AGBL1: variants seen among roughly 807,000 people sequenced by gnomAD.
AGBL1 encodes the protein AGBL carboxypeptidase 1.
Under a neutral mutation model 118.9 loss-of-function variants are expected in AGBL1, and 130 were observed. The ratio of observed to expected loss-of-function variants is 1.09; its 90% CI spans 0.95 to 1.26. The LOEUF (loss-of-function observed/expected upper bound fraction) is 1.26, where lower values mean the gene tolerates loss of function less well. Ranked by LOEUF, AGBL1 falls within the 50% of genes most tolerant of loss-of-function variation. AGBL1 has a pLI of 0.00. For missense variants in AGBL1, 1,584 were observed against 1,298.1 expected (o/e 1.22, Z -3.38); for synonymous variants, 555 against 478.9 (o/e 1.16, Z -2.08).
At chr15:86,251,293 C>A (rs1181065692) in intron 7 of AGBL1, among the ~76,000 whole-genome samples, 2 of 152,190 alleles carry the variant, frequency 1.3e-5, no homozygotes, top group African/African-American at 4.8e-5. Flanking sequence ...ACTGTACCAG[C>A]AGCTCCCCCA....
intron 17 of AGBL1, among the ~76,000 whole-genome samples, chr15:86,308,139 A>T (rs149112281): frequency 1.4e-3 from 215 of 152,338 alleles, no homozygotes; most frequent in African/African-American, 5.0e-3. Context: ...AACTATGTTA[A>T]CATGTTTGAG....
At chr15:86,120,806 C>T (rs940391604) in intron 1 of AGBL1, among the ~76,000 whole-genome samples, 2 of 152,152 alleles carry the variant, frequency 1.3e-5, no homozygotes. Flanking sequence ...TTTCTGGTTT[C>T]TGCCCCAAGG....
chr15:86,494,892 C>A (rs1323837469), intron 18 of AGBL1, among the ~76,000 whole-genome samples: 1 of 151,658 alleles, frequency 6.6e-6, no homozygotes, highest in East Asian at 1.9e-4. Context: ...AACACACTTA[C>A]ACTTAATGCT....
chr15:86,807,220 T>G (rs371568103), intron 22 of AGBL1, among the ~76,000 whole-genome samples: 3 of 152,156 alleles, frequency 2.0e-5, no homozygotes, highest in East Asian at 1.9e-4. Context: ...AGTGAGCACT[T>G]TAGCCTTGCA....
intron 1 of AGBL1, chr15:86,138,366 T>C (rs1385215187): frequency 6.6e-6 from 1 of 152,278 alleles, no homozygotes; most frequent in Non-Finnish European, 1.5e-5. Flanking sequence ...TTATCATTCA[T>C]GGATCTGGCT....
chr15:86,782,980 T>C (rs186544267), intron 22 of AGBL1, among the ~76,000 whole-genome samples: 10 of 152,326 alleles, frequency 6.6e-5, no homozygotes, highest in Admixed American at 6.5e-4. Flanking sequence ...TTTCCTTGTT[T>C]GTTTGTTTTA....
intron 18 of AGBL1, among the ~76,000 whole-genome samples, chr15:86,506,826 A>G (rs2082983086): frequency 6.6e-6 from 1 of 152,114 alleles, no homozygotes; most frequent in Non-Finnish European, 1.5e-5. Context: ...TTTCCTCAAG[A>G]TTTATTTGAG....
intron 22 of AGBL1, among the ~76,000 whole-genome samples, chr15:86,736,096 T>C (rs977561266): frequency 1.3e-5 from 2 of 152,050 alleles, no homozygotes; most frequent in African/African-American, 4.8e-5. Flanking sequence ...AAATAAAGTT[T>C]ATTGGGCCAG....
rs375949617 is a variant in AGBL1 at position 87,028,793 on chromosome 15, T to C, written c.3324-32T>C. The C allele has an allele frequency of 6.9e-6, 11 of 1,595,030 alleles. No individual in the cohort carries two copies. The African/African-American group carries it at 1.1e-4, about 16-fold the overall frequency. ...ACCAGAAGTTACACGGCTTCAAGCA[T>C]AGTAATTAATATATTTCTTATTCCT... On this transcript the variant is annotated intron_variant, in intron 24 of 24. Coordinates refer to the AGBL1 transcript ENST00000441037.
intron 21 of AGBL1, among the ~76,000 whole-genome samples, chr15:86,662,551 C>T (rs2085563567): frequency 6.6e-6 from 1 of 152,170 alleles, no homozygotes; most frequent in Non-Finnish European, 1.5e-5. Flanking sequence ...AGCAGTGCTA[C>T]TCAAAGTATC....
chr15:86,987,942 T>C (rs780475702), intron 23 of AGBL1: 9 of 1,589,014 alleles, frequency 5.7e-6, no homozygotes, highest in Non-Finnish European at 7.7e-6. Context: ...GACACTATGG[T>C]TTATTTTCAC....
chr15:86,170,885 CA>C (rs34169705), intron 5 of AGBL1, among the ~76,000 whole-genome samples: 57,755 of 136,844 alleles, frequency 0.42, 12,056 homozygotes, highest in African/African-American at 0.57. Flanking sequence ...AAACCAATGA[CA>C]AAAAAAAAAA....
chr15:86,727,339 G>T (rs574681828), intron 22 of AGBL1, among the ~76,000 whole-genome samples: 164 of 152,278 alleles, frequency 1.1e-3, no homozygotes, highest in Non-Finnish European at 1.9e-3. Flanking sequence ...CAGCTGAGAT[G>T]TGACGCGATC....
At chr15:86,691,233 A>G (rs1442937912) in intron 22 of AGBL1, among the ~76,000 whole-genome samples, 1 of 152,170 alleles carries the variant, frequency 6.6e-6, no homozygotes, top group Non-Finnish European at 1.5e-5. Context: ...TTTGCAAGCA[A>G]AACACAAGGC....
intron 1 of AGBL1, among the ~76,000 whole-genome samples, chr15:86,097,528 A>G (rs1172571278): frequency 6.7e-6 from 1 of 148,970 alleles, no homozygotes; most frequent in Non-Finnish European, 1.5e-5. Context: ...TATTTCCATG[A>G]GATCCACTTT....
intron 18 of AGBL1, among the ~76,000 whole-genome samples, chr15:86,426,465 C>T (rs2081867606): frequency 6.6e-6 from 1 of 152,190 alleles, no homozygotes; most frequent in East Asian, 1.9e-4. Context: ...AGTGTGGGTT[C>T]ATTCACACAG....
chr15:86,804,170 A>G (rs181628769), intron 22 of AGBL1, among the ~76,000 whole-genome samples: 198 of 152,282 alleles, frequency 1.3e-3, no homozygotes, highest in African/African-American at 4.5e-3. Flanking sequence ...AGGAGTGGGA[A>G]GAAGCACCAT....
intron 23 of AGBL1, among the ~76,000 whole-genome samples, chr15:86,929,536 G>A (rs1008106124): frequency 1.3e-5 from 2 of 152,136 alleles, no homozygotes; most frequent in African/African-American, 2.4e-5. Flanking sequence ...TTAGGGAATG[G>A]CATCCAAGTA....
At chr15:86,152,008 G>A (rs1043884899) in intron 3 of AGBL1, among the ~76,000 whole-genome samples, 5 of 152,266 alleles carry the variant, frequency 3.3e-5, no homozygotes, top group South Asian at 2.1e-4. Flanking sequence ...ACTGCTCAGC[G>A]AGATAAAAGA....
Sources: gnomAD v4.1 joint callset for allele counts (sites outside exome capture counted in the v4.1 genomes callset) on GRCh38, gnomAD v4.1.1 for gene constraint, MANE v1.5 for transcripts, NCBI Gene and HGNC (gene_info 2026-07-23, HGNC 2026-07-21) for gene names.